Variants in DENND1A observed in about 807,000 individuals in gnomAD.
DENND1A encodes the protein DENN domain containing 1A.
Under a neutral mutation model 113.7 loss-of-function variants are expected in DENND1A, and 51 were observed. That is an observed-to-expected ratio of 0.45 (90% CI 0.36 to 0.57). The LOEUF is 0.57. Among genes scored for constraint, DENND1A ranks in the 20% least tolerant of loss-of-function variants. The probability of loss-of-function intolerance (pLI) is 0.00; values close to 1 mark genes in which losing one functional copy is unlikely to be tolerated. For missense variants in DENND1A, 1,258 were observed against 1,395.9 expected (o/e 0.90, Z 1.57); for synonymous variants, 565 against 570.8 (o/e 0.99, Z 0.14).
intron 10 of DENND1A, among the ~76,000 whole-genome samples, chr9:123,615,531 A>T (rs2060611481): frequency 6.6e-6 from 1 of 152,120 alleles, no homozygotes; most frequent in Admixed American, 6.5e-5. Flanking sequence ...TACCTTTTCC[A>T]TCACAGGAAG....
intron 5 of DENND1A, among the ~76,000 whole-genome samples, chr9:123,686,096 C>T (rs1420738674): frequency 6.6e-6 from 1 of 151,996 alleles, no homozygotes; most frequent in Non-Finnish European, 1.5e-5. Context: ...AGTCAGATGC[C>T]ATTTGATATT....
chr9:123,397,839 G>A (rs1178377791), intron 21 of DENND1A, among the ~76,000 whole-genome samples: 3 of 152,216 alleles, frequency 2.0e-5, no homozygotes, highest in Non-Finnish European at 2.9e-5. Context: ...GCACGGATCT[G>A]GCCAGAGAAG....
In DENND1A at chr9:123,705,478, C is replaced by T. The variant is rs192680723; in HGVS notation, c.303-28689G>A. Among the ~76,000 whole-genome samples the T allele has an allele frequency of 1.9e-3, 291 of 152,092 alleles. 1 individual carries two copies. The highest frequency in any genetic ancestry group is 3.4e-3 in the Middle Eastern group (1 of 294). ...ATAATAAACTACTAGAATTAGGTAG[C>T]TGGGCAAAAGATCAATATTCAGAAA... On this transcript the variant is annotated intron_variant, in intron 5 of 23. Transcript: ENST00000394215.
chr9:123,657,207 C>T (rs1410749156), intron 8 of DENND1A, among the ~76,000 whole-genome samples: 1 of 152,190 alleles, frequency 6.6e-6, no homozygotes, highest in Admixed American at 6.5e-5. Flanking sequence ...CAAGTGCGAA[C>T]CCCCTGTGGC....
At chr9:123,627,189 A>G (rs894683146) in intron 10 of DENND1A, among the ~76,000 whole-genome samples, 1 of 152,308 alleles carries the variant, frequency 6.6e-6, no homozygotes, top group East Asian at 1.9e-4. Flanking sequence ...TCAGACTTTC[A>G]CCAGCAGTAT....
At chr9:123,575,055 A>C (rs772964402) in intron 12 of DENND1A, among the ~76,000 whole-genome samples, 4 of 152,210 alleles carry the variant, frequency 2.6e-5, no homozygotes, top group Non-Finnish European at 5.9e-5. Context: ...AGTTGTGAGA[A>C]ATGCTGGTCA....
intron 21 of DENND1A, among the ~76,000 whole-genome samples, chr9:123,389,131 A>G (rs2042713511): frequency 6.6e-6 from 1 of 152,250 alleles, no homozygotes; most frequent in Non-Finnish European, 1.5e-5. Flanking sequence ...AGGGTGAGTG[A>G]GAGACAGTGG....
At chr9:123,556,781 G>C (rs138982646) in intron 13 of DENND1A, among the ~76,000 whole-genome samples, 8 of 152,380 alleles carry the variant, frequency 5.3e-5, no homozygotes, top group African/African-American at 1.9e-4. Flanking sequence ...CCCTAGGCCA[G>C]TTCCTGCATT....
intron 4 of DENND1A, among the ~76,000 whole-genome samples, chr9:123,759,962 A>G (rs2070896736): frequency 6.6e-6 from 1 of 152,242 alleles, no homozygotes; most frequent in Non-Finnish European, 1.5e-5. Context: ...TACAGTAATT[A>G]TCTCAGAAAA....
chr9:123,506,749 G>C (rs1282200827), intron 13 of DENND1A, among the ~76,000 whole-genome samples: 1 of 152,188 alleles, frequency 6.6e-6, no homozygotes, highest in Non-Finnish European at 1.5e-5. Flanking sequence ...CACATAGCCA[G>C]AAAGTCACAG....
At chr9:123,894,410 T>G (rs1296900403) in intron 1 of DENND1A, among the ~76,000 whole-genome samples, 1 of 152,208 alleles carries the variant, frequency 6.6e-6, no homozygotes, top group Non-Finnish European at 1.5e-5. Context: ...CCTAAGGAGC[T>G]TACAACCAAG....
chr9:123,801,285 G>A lies in DENND1A; in HGVS notation c.89-8655C>T, dbSNP rs750118421. On this transcript the variant is annotated intron_variant, in intron 2 of 23. Coordinates refer to ENST00000394215, the MANE Select transcript of DENND1A (RefSeq NM_001352964.2). Reference sequence around the variant, plus strand: ...CAGAAATTTCTCATCTTCCCCAACTGAAACCTTGAACCCATTAAACACCAA... The same window carrying A: ...CAGAAATTTCTCATCTTCCCCAACTAAAACCTTGAACCCATTAAACACCAA... Among the ~76,000 whole-genome samples, 4 of 152,098 alleles carry A rather than the reference G, an allele frequency of 2.6e-5. 1 individual carries two copies. Among genetic ancestry groups the A allele is most frequent in the Admixed American group, 1.3e-4 (2 of 15,266 alleles).
At position 123,387,869 on chromosome 9, in the gene DENND1A, G is replaced by C. The variant is rs974736307; in HGVS notation, c.1632-11C>G. 20 of 1,289,516 alleles carry C rather than the reference G, an allele frequency of 1.6e-5. No individual in the cohort carries two copies. The highest frequency in any genetic ancestry group is 4.6e-5 in the Admixed American group (2 of 43,542). The allele number at this position is 1,289,516 out of a possible 1,614,324, so 79.9% of individuals were successfully genotyped here. A position where few individuals can be genotyped will look rare whatever the true frequency, so the allele number is the denominator to read the frequency against. On this transcript the variant is annotated splice_polypyrimidine_tract_variant and intron_variant, in intron 21 of 23. Transcript: ENST00000394215. ...AAGGGCTTTACCAGGCTGGGGCAGA[G>C]GAAGACAAAAGAGAAGAGAACAGGC...
At chr9:123,819,746 C>T (rs2079354866) in intron 2 of DENND1A, among the ~76,000 whole-genome samples, 1 of 152,124 alleles carries the variant, frequency 6.6e-6, no homozygotes. Context: ...CCATGTTGTC[C>T]ACGCTGGTCT....
chr9:123,734,487 C>T (rs2068414177), intron 5 of DENND1A, among the ~76,000 whole-genome samples: 1 of 152,098 alleles, frequency 6.6e-6, no homozygotes, highest in Admixed American at 6.5e-5. Context: ...GAGTATAGGA[C>T]ACCTACAGAC....
chr9:123,703,981 T>C (rs1181952456), intron 5 of DENND1A, among the ~76,000 whole-genome samples: 2 of 152,054 alleles, frequency 1.3e-5, no homozygotes, highest in Non-Finnish European at 2.9e-5. Context: ...TATATTTATA[T>C]ATGTTTTCAT....
chr9:123,470,256 C>T (rs571578854), intron 13 of DENND1A, among the ~76,000 whole-genome samples: 2 of 152,140 alleles, frequency 1.3e-5, no homozygotes, highest in South Asian at 2.1e-4. Flanking sequence ...GAGACGGTGA[C>T]GACCCCTGTG....
chr9:123,626,096 T>C (rs1453152249), intron 10 of DENND1A, among the ~76,000 whole-genome samples: 1 of 152,090 alleles, frequency 6.6e-6, no homozygotes, highest in East Asian at 1.9e-4. Context: ...ATCTCACAAT[T>C]TGCCCAGGCT....
intron 13 of DENND1A, among the ~76,000 whole-genome samples, chr9:123,552,722 T>C (rs1381257575): frequency 5.3e-5 from 8 of 152,354 alleles, no homozygotes; most frequent in African/African-American, 1.7e-4. Context: ...GACCTACTGT[T>C]CTCAGGCCCT....
Sources: allele counts gnomAD v4.1 joint callset (sites outside exome capture counted in the v4.1 genomes callset), GRCh38; gene constraint gnomAD v4.1.1; transcripts MANE v1.5; gene names NCBI Gene and HGNC (gene_info 2026-07-23, HGNC 2026-07-21).